TSC2: variants seen among roughly 807,000 people sequenced by gnomAD.
The protein encoded by TSC2 is tuberin.
Under a neutral mutation model 202.2 loss-of-function variants are expected in TSC2, and 29 were observed. The observed-to-expected ratio is 0.14, with a 90% CI of 0.11 to 0.20. The LOEUF is 0.20. Among genes scored for constraint, TSC2 ranks in the 10% least tolerant of loss-of-function variants. The pLI is 1.00. For synonymous variants in TSC2, 1,349 were observed against 1,044.0 expected, an observed-to-expected ratio of 1.29 and a Z score of -5.63; for missense variants, 2,429 against 2,420.0, an observed-to-expected ratio of 1.00 and a Z score of -0.08.
chr16:2,083,218 A>G (rs1187249526), intron 32 of TSC2: 1 of 459,144 alleles, frequency 2.2e-6, no homozygotes, highest in Admixed American at 2.3e-5. Context: ...CTCTCTCCTT[A>G]GCGTCCCCAG....
At chr16:2,048,461 C>T (rs1220206168) in intron 1 of TSC2, 126 bp from the exon 2 acceptor site, 5 of 1,255,240 alleles carry the variant, frequency 4.0e-6, no homozygotes, top group Non-Finnish European at 4.6e-6. Context: ...TTGAGTTCTC[C>T]CAGGGAGTGT....
rs1190493731 is a variant in TSC2 at position 2,056,880 on chromosome 16, C to A, written c.774+111C>A. ...GATTCTTGGGGTGGCCAGACAATGGCCTGTTGAGGGACGGCCAGTGTCATT... is the reference window on the plus strand; with the variant it reads ...GATTCTTGGGGTGGCCAGACAATGGACTGTTGAGGGACGGCCAGTGTCATT... On this transcript the variant is annotated intron_variant, in intron 8 of 41. Coordinates refer to ENST00000219476, the MANE Select transcript of TSC2 (RefSeq NM_000548.5). The A allele has an allele frequency of 2.6e-6, 4 of 1,548,960 alleles. No individual in the cohort carries two copies. In the East Asian group the frequency reaches 6.7e-5, roughly 26 times the overall value.
chr16:2,067,357 T>G (rs2087534693), intron 16 of TSC2, among the ~76,000 whole-genome samples: 1 of 151,732 alleles, frequency 6.6e-6, no homozygotes, highest in South Asian at 2.1e-4. Context: ...AGATGGGGTC[T>G]TTATATGTTG....
At chr16:2,048,472 G>T in intron 1 of TSC2, 115 bp from the exon 2 acceptor site, 1 of 1,327,910 alleles carries the variant, frequency 7.5e-7, no homozygotes, top group East Asian at 2.4e-5. Flanking sequence ...CAGGGAGTGT[G>T]GGAGGAAAGG....
At chr16:2,073,057 A>G (rs2088724427) in intron 21 of TSC2, 74 bp downstream of exon 21, 1 of 1,605,412 alleles carries the variant, frequency 6.2e-7, no homozygotes, top group Non-Finnish European at 8.5e-7. Flanking sequence ...TAGGCCCCAC[A>G]TTTTTCTCAT....
chr16:2,084,881 TC>T, intron 34 of TSC2, 69 bp from the exon 35 acceptor site: 2 of 1,606,218 alleles, frequency 1.2e-6, no homozygotes, highest in South Asian at 2.2e-5. Flanking sequence ...GGCTCTGTGT[TC>T]CTCCCTGTGG....
intron 17 of TSC2, among the ~76,000 whole-genome samples, chr16:2,070,817 A>C (rs369767674): frequency 3.9e-5 from 6 of 152,194 alleles, no homozygotes; most frequent in African/African-American, 1.4e-4. Context: ...GTTGGGGCAG[A>C]GAAAAGGACG....
rs2090504166 is a variant in TSC2, at chr16:2,084,418, G to A, written c.4196G>A (p.Gly1399Glu). ...CTGCAGACTCTGCAGGACATCCTCG[G>A]GGACCCTGGGGACAAGGCCGACGTG... is the stretch of plus-strand genomic sequence containing the variant. ...PELQTLQDIL[G>E]DPGDKADVGR... The change falls in exon 34 of 42, where the codon GGG (glycine) becomes GAG (glutamate). Residue 1399 changes from glycine (G) to glutamate (E), a missense_variant. Gly to Glu is a moderately conservative substitution (Grantham distance 98). Transcript: ENST00000219476. 1 of 1,611,134 alleles carries A rather than the reference G, an allele frequency of 6.2e-7. No individual in the cohort carries two copies. The highest frequency in any genetic ancestry group is 8.5e-7 in the Non-Finnish European group (1 of 1,179,448).
Position 2,050,695 on chromosome 16 carries a change from A to G in TSC2, c.225+209A>G, listed in dbSNP as rs535394450. Among the ~76,000 whole-genome samples the G allele has an allele frequency of 2.7e-5, 4 of 148,796 alleles. No individual in the cohort carries two copies. In the East Asian group the frequency reaches 8.0e-4, roughly 30 times the overall value. On this transcript the variant is annotated intron_variant, in intron 3 of 41. Coordinates refer to ENST00000219476, the MANE Select transcript of TSC2 (RefSeq NM_000548.5). ...CAGCCTCTGCCTCCTGGGTTCAAGC[A>G]GTTCTCCTGCCTCAGCCTCCTGAGT... is the stretch of plus-strand genomic sequence containing the variant.
chr16:2,062,052 G>A (rs2151158074), intron 12 of TSC2, 44 bp downstream of exon 12: 1 of 1,612,616 alleles, frequency 6.2e-7, no homozygotes, highest in Non-Finnish European at 8.5e-7. Context: ...TTGGCTGGTG[G>A]GGAGGGGCCG....
intron 3 of TSC2, among the ~76,000 whole-genome samples, chr16:2,050,881 C>T (rs1489723925): frequency 1.3e-5 from 2 of 152,086 alleles, no homozygotes; most frequent in Non-Finnish European, 2.9e-5. Context: ...GCCACTGCGC[C>T]CAGCCAGTTT....
At position 2,087,833 on chromosome 16, in the gene TSC2, C is replaced by T. The variant is rs371095496; in HGVS notation, c.4990-30C>T. 95 of 1,610,388 alleles carry T rather than the reference C, an allele frequency of 5.9e-5. 3 individuals carry two copies. The South Asian group carries it at 8.8e-4, about 15-fold the overall frequency. On this transcript the variant is annotated intron_variant, in intron 38 of 41. Transcript: ENST00000219476. ...ATCAGCCTTCAGCACACGCTGTGTG[C>T]GGGGATGACCCTTTCTCTTGTCCGG...
chr16:2,062,478 C>G lies in TSC2; in HGVS notation c.1258-19C>G. 6.3e-7 allele frequency: 1 copy of G among 1,597,810 alleles called. No homozygotes were observed. Among genetic ancestry groups the G allele is most frequent in the East Asian group, 2.2e-5 (1 of 44,522 alleles). On this transcript the variant is annotated intron_variant, in intron 12 of 41. Coordinates refer to ENST00000219476, the MANE Select transcript of TSC2 (RefSeq NM_000548.5). ...GCGCCGGAGGGGCAGAGGGGCAACA[C>G]CGGCTCTTCTTTTGACAGGAGTCCT... is the stretch of plus-strand genomic sequence containing the variant.
At position 2,055,972 on chromosome 16, in the gene TSC2, T is replaced by TTGTTTAGAA. The variant is rs2151068043; in HGVS notation, c.600-219_600-211dup. Reference sequence around the variant, plus strand: ...GATGTCTTGGTTATCTTTTTGTTGTTTGTTTAGAATGTTGCATGAGCTCTG... The same window carrying TTGTTTAGAA: ...GATGTCTTGGTTATCTTTTTGTTGTTTGTTTAGAATGTTTAGAATGTTGCATGAGCTCTG... On this transcript the variant is annotated intron_variant, in intron 6 of 41. Coordinates refer to ENST00000219476, the MANE Select transcript of TSC2 (RefSeq NM_000548.5). 1.1e-5 allele frequency: 7 copies of TTGTTTAGAA among 632,800 alleles called. No individual in the cohort carries two copies. In the South Asian group the frequency reaches 1.2e-4, roughly 11 times the overall value. The allele number at this position is 632,800 out of a possible 1,614,324, so 39.2% of individuals were successfully genotyped here.
At chr16:2,051,152 C>T (rs1596249284) in intron 3 of TSC2, among the ~76,000 whole-genome samples, 1 of 151,776 alleles carries the variant, frequency 6.6e-6, no homozygotes. Flanking sequence ...GGCGAAACCC[C>T]GTCTGTACTA....
Position 2,072,935 on chromosome 16 carries a change from G to A in TSC2, c.2307G>A (p.Val769=), listed in dbSNP as rs1479110270. 3 of 1,613,514 alleles carry A rather than the reference G, an allele frequency of 1.9e-6. No individual in the cohort carries two copies. Among genetic ancestry groups the A allele is most frequent in the South Asian group, 2.2e-5 (2 of 91,092 alleles). Residue 769 remains valine, a synonymous_variant, in exon 21 of 42, where the codon GTG becomes GTA. Transcript: ENST00000219476. ...ACTTGCACCTGGCCGTGGTTCCAGT[G>A]CTGACAGCATTAATCTCTTACCATA... ...RTDLHLAVVP[V]LTALISYHNY...
chr16:2,086,767 G>A lies in TSC2; in HGVS notation c.4885G>A (p.Asp1629Asn), dbSNP rs1295162020. The A allele has an allele frequency of 6.2e-7, 1 of 1,611,274 alleles. No homozygotes were observed. The highest frequency in any genetic ancestry group is 1.1e-5 in the South Asian group (1 of 91,010). ...FHIATLMPTK[D>N]VDKHRCDKKR... Reference sequence around the variant, plus strand: ...CATCGCCACCCTGATGCCCACCAAGGACGTGGACAAGCACCGCTGCGACAA... The same window carrying A: ...CATCGCCACCCTGATGCCCACCAAGAACGTGGACAAGCACCGCTGCGACAA... The change falls in exon 38 of 42, where the codon GAC becomes AAC. Residue 1629 changes from aspartate (D) to asparagine (N), a missense_variant. Transcript: ENST00000219476.
intron 26 of TSC2, 103 bp from the exon 27 acceptor site, chr16:2,078,929 C>A (rs899070124): frequency 2.0e-6 from 3 of 1,507,130 alleles, no homozygotes; most frequent in Non-Finnish European, 2.7e-6. Context: ...TCTTTCCGAG[C>A]GAGGTCCTCA....
chr16:2,070,381 TC>T (rs2088097213), intron 16 of TSC2, 74 bp from the exon 17 acceptor site: 1 of 1,612,238 alleles, frequency 6.2e-7, no homozygotes, highest in South Asian at 1.1e-5. Flanking sequence ...CGGCCCCTGC[TC>T]CGGGACAAGG....
Sources: allele counts gnomAD v4.1 joint callset (sites outside exome capture counted in the v4.1 genomes callset), GRCh38; gene constraint gnomAD v4.1.1; transcripts MANE v1.5; gene names NCBI Gene and HGNC (gene_info 2026-07-23, HGNC 2026-07-21).